Variants in DYM observed in about 807,000 individuals in gnomAD.
The protein encoded by DYM is dymeclin.
Under a neutral mutation model 93.1 loss-of-function variants are expected in DYM, and 78 were observed. The ratio of observed to expected loss-of-function variants is 0.84; its 90% CI spans 0.70 to 1.01. DYM has a LOEUF of 1.01. Among genes scored for constraint, DYM ranks in the 50% least tolerant of loss-of-function variants. The pLI is 0.00. For synonymous variants in DYM, 321 were observed against 319.7 expected, an observed-to-expected ratio of 1.00 and a Z score of -0.04; for missense variants, 789 against 845.0, an observed-to-expected ratio of 0.93 and a Z score of 0.82.
intron 17 of DYM, among the ~76,000 whole-genome samples, chr18:49,056,798 T>C (rs1382121272): frequency 2.0e-5 from 3 of 152,150 alleles, no homozygotes; most frequent in South Asian, 2.1e-4. Flanking sequence ...CCGCCCACCT[T>C]GGCCTCCCAA....
chr18:49,398,931 C>T (rs1009079823), intron 2 of DYM, among the ~76,000 whole-genome samples: 1 of 152,184 alleles, frequency 6.6e-6, no homozygotes, highest in African/African-American at 2.4e-5. Context: ...AATAACTAGA[C>T]CACATGCATA....
At chr18:49,350,958 T>C (rs2065067690) in intron 6 of DYM, among the ~76,000 whole-genome samples, 1 of 152,080 alleles carries the variant, frequency 6.6e-6, no homozygotes, top group South Asian at 2.1e-4. Context: ...TCCAACAAGT[T>C]AGAATTTTTT....
At chr18:49,425,201 G>C (rs1010195339) in intron 2 of DYM, among the ~76,000 whole-genome samples, 7 of 152,134 alleles carry the variant, frequency 4.6e-5, no homozygotes, top group African/African-American at 1.7e-4. Context: ...CAGAGATATA[G>C]ATCAATGGAA....
chr18:49,083,707 CTTT>C (rs1198378745), intron 17 of DYM, among the ~76,000 whole-genome samples: 2 of 152,202 alleles, frequency 1.3e-5, no homozygotes, highest in East Asian at 1.9e-4. Flanking sequence ...TTTAATATTT[CTTT>C]TTAAGTCAGT....
At chr18:49,287,493 T>C (rs1017765875) in intron 8 of DYM, among the ~76,000 whole-genome samples, 1 of 151,804 alleles carries the variant, frequency 6.6e-6, no homozygotes, top group Admixed American at 6.6e-5. Context: ...GTACTACTAA[T>C]GCCCAAGCAA....
chr18:49,356,296 A>G (rs2065558153), intron 6 of DYM, among the ~76,000 whole-genome samples: 1 of 152,192 alleles, frequency 6.6e-6, no homozygotes, highest in Non-Finnish European at 1.5e-5. Flanking sequence ...GTTTTTTACC[A>G]GGAAAAATTC....
chr18:49,348,888 A>C (rs1340047532), intron 6 of DYM, among the ~76,000 whole-genome samples: 1 of 136,080 alleles, frequency 7.3e-6, no homozygotes, highest in Non-Finnish European at 1.6e-5. Context: ...CAGCCGGGTA[A>C]CAGAGTGAGA....
chr18:49,422,734 AG>A (rs2073858436), intron 2 of DYM, among the ~76,000 whole-genome samples: 1 of 152,218 alleles, frequency 6.6e-6, no homozygotes, highest in South Asian at 2.1e-4. Context: ...AAAAAACAGC[AG>A]GGGTTGCAAT....
intron 16 of DYM, chr18:49,114,461 T>C (rs2081738736): frequency 2.5e-6 from 2 of 798,800 alleles, no homozygotes; most frequent in Admixed American, 6.2e-5. Context: ...TAAGTCCAAC[T>C]TAACATCCTG....
chr18:49,425,011 G>C (rs55884449), intron 2 of DYM, among the ~76,000 whole-genome samples: 2 of 151,976 alleles, frequency 1.3e-5, no homozygotes, highest in Non-Finnish European at 2.9e-5. Context: ...TCAAGCTACC[G>C]ATGACTTTCT....
intron 13 of DYM, among the ~76,000 whole-genome samples, chr18:49,249,344 T>A (rs1456315099): frequency 6.6e-6 from 1 of 152,060 alleles, no homozygotes; most frequent in Admixed American, 6.5e-5. Flanking sequence ...AAAATTATCA[T>A]AATCATATAT....
At chr18:49,046,443 AC>A (rs2071570760) in intron 17 of DYM, among the ~76,000 whole-genome samples, 1 of 149,304 alleles carries the variant, frequency 6.7e-6, no homozygotes, top group Non-Finnish European at 1.5e-5. Context: ...CAAAACAGAT[AC>A]CCACACACTC....
intron 14 of DYM, among the ~76,000 whole-genome samples, chr18:49,186,772 AC>A (rs1437015679): frequency 6.6e-6 from 1 of 152,192 alleles, no homozygotes; most frequent in Non-Finnish European, 1.5e-5. Flanking sequence ...GTATCTAGTA[AC>A]CAAAAATGCA....
chr18:49,397,672 A>G (rs1388492245), intron 2 of DYM, among the ~76,000 whole-genome samples: 1 of 152,214 alleles, frequency 6.6e-6, no homozygotes, highest in African/African-American at 2.4e-5. Flanking sequence ...AGAAAATTTT[A>G]GAAAAACTGT....
intron 13 of DYM, among the ~76,000 whole-genome samples, chr18:49,215,434 T>C (rs183504676): frequency 2.6e-3 from 403 of 152,308 alleles, no homozygotes; most frequent in Non-Finnish European, 4.5e-3. Context: ...AGACAAAATC[T>C]TGTTAGTTTT....
At chr18:49,318,345 C>T (rs763107594) in intron 8 of DYM, among the ~76,000 whole-genome samples, 1 of 152,188 alleles carries the variant, frequency 6.6e-6, no homozygotes, top group Non-Finnish European at 1.5e-5. Flanking sequence ...TTAAGCTGGG[C>T]ATGGTGGCTC....
At chr18:49,093,853 G>T (rs1228883553) in intron 17 of DYM, among the ~76,000 whole-genome samples, 3 of 152,172 alleles carry the variant, frequency 2.0e-5, no homozygotes, top group Non-Finnish European at 2.9e-5. Context: ...AAGGTTTTAA[G>T]CAAGTTAGTT....
At chr18:49,179,709 T>C (rs759134787) in intron 14 of DYM, among the ~76,000 whole-genome samples, 1 of 152,120 alleles carries the variant, frequency 6.6e-6, no homozygotes, top group Non-Finnish European at 1.5e-5. Context: ...AGAAGGGAGC[T>C]GAGGGAAAGT....
chr18:49,375,240 A>G (rs76441621), intron 5 of DYM, among the ~76,000 whole-genome samples: 13,270 of 148,586 alleles, frequency 0.089, 818 homozygotes, highest in East Asian at 0.3. Context: ...ATCTATACCT[A>G]CCTTGGGCTT....
Sources: allele counts gnomAD v4.1 joint callset (sites outside exome capture counted in the v4.1 genomes callset), GRCh38; gene constraint gnomAD v4.1.1; transcripts MANE v1.5; gene names NCBI Gene and HGNC (gene_info 2026-07-23, HGNC 2026-07-21).